Variants in DPP10 observed in about 807,000 individuals in gnomAD.
DPP10 encodes dipeptidyl peptidase like 10.
In DPP10, 33 loss-of-function variants were observed where a neutral mutation model predicts 120.9. That is an observed-to-expected ratio of 0.27 (90% CI 0.21 to 0.37). The LOEUF is 0.37. Among genes scored for constraint, DPP10 ranks in the 10% least tolerant of loss-of-function variants. The probability of loss-of-function intolerance (pLI) is 1.00; values close to 1 mark genes in which losing one functional copy is unlikely to be tolerated. For synonymous variants in DPP10, 337 were observed against 326.1 expected, an observed-to-expected ratio of 1.03 and a Z score of -0.36; for missense variants, 816 against 942.8, an observed-to-expected ratio of 0.87 and a Z score of 1.76.
chr2:115,260,698 T>C (rs1477014737), intron 1 of DPP10, among the ~76,000 whole-genome samples: 1 of 152,222 alleles, frequency 6.6e-6, no homozygotes, highest in Admixed American at 6.5e-5. Context: ...GGGTGTATGA[T>C]TTTTAAGCTC....
At chr2:115,304,789 C>T (rs1268924217) in intron 1 of DPP10, among the ~76,000 whole-genome samples, 1 of 151,940 alleles carries the variant, frequency 6.6e-6, no homozygotes, top group African/African-American at 2.4e-5. Flanking sequence ...TGGTGTATTA[C>T]CCTTGCATTT....
chr2:114,646,296 G>A (rs1009953637), intron 1 of DPP10, among the ~76,000 whole-genome samples: 1 of 152,094 alleles, frequency 6.6e-6, no homozygotes, highest in East Asian at 1.9e-4. Context: ...ATCATCCCAG[G>A]TGTGTTTCCA....
chr2:115,034,456 C>T (rs1220611818), intron 1 of DPP10, among the ~76,000 whole-genome samples: 1 of 152,140 alleles, frequency 6.6e-6, no homozygotes, highest in East Asian at 1.9e-4. Context: ...GTACAGTGGA[C>T]ATCAGCACCT....
chr2:114,947,426 A>AT (rs977129422), intron 1 of DPP10, among the ~76,000 whole-genome samples: 1 of 151,118 alleles, frequency 6.6e-6, no homozygotes, highest in Non-Finnish European at 1.5e-5. Flanking sequence ...TTGAGAGTCA[A>AT]TTTTTTTATG....
At chr2:115,130,904 C>T (rs971459500) in intron 1 of DPP10, 5 of 152,258 alleles carry the variant, frequency 3.3e-5, no homozygotes, top group African/African-American at 1.2e-4. Context: ...TAGTTACCAA[C>T]TTAATTCAGA....
intron 1 of DPP10, among the ~76,000 whole-genome samples, chr2:114,990,327 T>G (rs1408227222): frequency 6.6e-6 from 1 of 152,162 alleles, no homozygotes; most frequent in Non-Finnish European, 1.5e-5. Context: ...TGGCATTCTA[T>G]TAAAATCCAA....
chr2:114,815,373 G>A (rs759874283), intron 1 of DPP10, among the ~76,000 whole-genome samples: 58 of 152,146 alleles, frequency 3.8e-4, no homozygotes, highest in Non-Finnish European at 2.9e-4. Flanking sequence ...AGTGGCCCCC[G>A]TTCTCAAGGG....
chr2:115,009,779 A>T (rs560619880), intron 1 of DPP10, among the ~76,000 whole-genome samples: 12 of 152,286 alleles, frequency 7.9e-5, no homozygotes, highest in Non-Finnish European at 1.3e-4. Context: ...GTATAATTTT[A>T]AAAAAGTGAT....
At chr2:114,567,514 A>C (rs1275231528) in intron 1 of DPP10, among the ~76,000 whole-genome samples, 1 of 152,182 alleles carries the variant, frequency 6.6e-6, no homozygotes, top group Admixed American at 6.5e-5. Flanking sequence ...GCCATAAGCC[A>C]AGGAACGTAT....
rs114361080 is a variant in DPP10 at position 115,712,353 on chromosome 2, C to T, written c.577-15463C>T. ...GGCGGAGCTCAAGCAGGAATGTGAG[C>T]GATGGGAGTGGCTGTAAGCACAGAT... On this transcript the variant is annotated intron_variant, in intron 7 of 25. Transcript: ENST00000410059. Among the ~76,000 whole-genome samples the T allele has an allele frequency of 4.5e-3, 683 of 150,588 alleles. 4 individuals are homozygous for T. The highest frequency in any genetic ancestry group is 7.8e-3 in the Admixed American group (118 of 15,128).
At chr2:114,908,040 A>G (rs1383133757) in intron 1 of DPP10, among the ~76,000 whole-genome samples, 1 of 151,948 alleles carries the variant, frequency 6.6e-6, no homozygotes, top group Non-Finnish European at 1.5e-5. Flanking sequence ...TGAGTCTTTT[A>G]TCACTATAAA....
At chr2:115,634,352 A>G (rs2086146147) in intron 5 of DPP10, among the ~76,000 whole-genome samples, 1 of 152,192 alleles carries the variant, frequency 6.6e-6, no homozygotes, top group Admixed American at 6.5e-5. Context: ...TCCAGCTTTG[A>G]TCACAGAAGC....
chr2:115,505,316 A>C (rs1168199414), intron 4 of DPP10, among the ~76,000 whole-genome samples: 1 of 152,102 alleles, frequency 6.6e-6, no homozygotes, highest in Non-Finnish European at 1.5e-5. Flanking sequence ...TATGACAAAA[A>C]TTAATTAGAT....
intron 7 of DPP10, among the ~76,000 whole-genome samples, chr2:115,716,976 T>C (rs1344243017): frequency 6.6e-6 from 1 of 152,228 alleles, no homozygotes; most frequent in Admixed American, 6.5e-5. Context: ...GTTATAAGAA[T>C]TTTGGAATCC....
chr2:115,141,264 A>C (rs2104841696), intron 1 of DPP10, among the ~76,000 whole-genome samples: 1 of 152,326 alleles, frequency 6.6e-6, no homozygotes, highest in African/African-American at 2.4e-5. Flanking sequence ...AGGTTGTATC[A>C]GGAGCATTCT....
chr2:115,768,052 A>T (rs796602458), intron 12 of DPP10, among the ~76,000 whole-genome samples: 5 of 152,312 alleles, frequency 3.3e-5, no homozygotes, highest in African/African-American at 1.2e-4. Context: ...TAAATCATTC[A>T]TATCCACCAT....
At chr2:115,071,711 A>G (rs1707381191) in intron 1 of DPP10, among the ~76,000 whole-genome samples, 1 of 151,292 alleles carries the variant, frequency 6.6e-6, no homozygotes, top group African/African-American at 2.4e-5. Flanking sequence ...AGCTCTACGG[A>G]GCATTTGGGC....
chr2:115,636,838 C>T (rs1274817262), intron 5 of DPP10, among the ~76,000 whole-genome samples: 1 of 152,038 alleles, frequency 6.6e-6, no homozygotes, highest in Non-Finnish European at 1.5e-5. Context: ...CAGACTTCTG[C>T]TCACATCCCT....
chr2:115,338,045 A>G (rs1574479999), intron 2 of DPP10, among the ~76,000 whole-genome samples: 2 of 151,756 alleles, frequency 1.3e-5, no homozygotes, highest in African/African-American at 4.9e-5. Context: ...GTTAAAAAAT[A>G]TTATTAAAAT....
Sources: allele counts gnomAD v4.1 joint callset (sites outside exome capture counted in the v4.1 genomes callset), GRCh38; gene constraint gnomAD v4.1.1; transcripts MANE v1.5; gene names NCBI Gene and HGNC (gene_info 2026-07-23, HGNC 2026-07-21).